YAP1: variants seen among roughly 807,000 people sequenced by gnomAD.
YAP1 encodes the protein Yes1 associated transcriptional regulator.
A neutral mutation model predicts 56.9 loss-of-function variants in YAP1; 5 were observed. The observed-to-expected ratio is 0.09, with a 90% CI of 0.05 to 0.18. The LOEUF is 0.18. Among genes scored for constraint, YAP1 ranks in the 10% least tolerant of loss-of-function variants. YAP1 has a pLI of 1.00. For synonymous variants in YAP1, 265 were observed against 248.1 expected (o/e 1.07, Z -0.64); for missense variants, 539 against 651.8 (o/e 0.83, Z 1.88).
intron 4 of YAP1, among the ~76,000 whole-genome samples, chr11:102,187,878 C>G (rs1468471895): frequency 6.6e-6 from 1 of 152,174 alleles, no homozygotes; most frequent in African/African-American, 2.4e-5. Flanking sequence ...TCATAAAATT[C>G]TCTTATTGCA....
intron 7 of YAP1, among the ~76,000 whole-genome samples, chr11:102,226,539 T>C (rs922352348): frequency 1.3e-5 from 2 of 152,374 alleles, no homozygotes; most frequent in African/African-American, 4.8e-5. Context: ...GCCTTGATTT[T>C]ATGCGTTTCT....
chr11:102,165,022 C>T (rs184758144), intron 3 of YAP1, among the ~76,000 whole-genome samples: 2 of 152,130 alleles, frequency 1.3e-5, no homozygotes, highest in East Asian at 3.9e-4. Flanking sequence ...CATGTCCAGC[C>T]GGTTTTAGTG....
chr11:102,208,710 T>A (rs1350507608), intron 5 of YAP1, among the ~76,000 whole-genome samples: 1 of 152,186 alleles, frequency 6.6e-6, no homozygotes, highest in Non-Finnish European at 1.5e-5. Flanking sequence ...GAGTAGTAGT[T>A]GTTCTAAGTA....
chr11:102,126,107 C>T (rs569582157), intron 2 of YAP1, among the ~76,000 whole-genome samples: 4 of 151,928 alleles, frequency 2.6e-5, no homozygotes, highest in Admixed American at 6.6e-5. Context: ...TCTGAATAAT[C>T]GATTTCCTCC....
intron 4 of YAP1, among the ~76,000 whole-genome samples, chr11:102,187,773 T>C (rs547606365): frequency 1.3e-5 from 2 of 152,352 alleles, no homozygotes; most frequent in Admixed American, 6.5e-5. Flanking sequence ...CTTGGTCTTT[T>C]GTTTTAAGAG....
intron 4 of YAP1, 42 bp from the exon 5 acceptor site, chr11:102,205,851 A>G (rs1253843932): frequency 5.5e-6 from 8 of 1,453,792 alleles, no homozygotes; most frequent in Non-Finnish European, 7.3e-6. Flanking sequence ...ATCTTCCTTC[A>G]CTAGTTTTTT....
intron 5 of YAP1, among the ~76,000 whole-genome samples, chr11:102,207,405 T>C (rs1949175577): frequency 6.6e-6 from 1 of 152,032 alleles, no homozygotes; most frequent in Admixed American, 6.6e-5. Context: ...AAAATCGTCA[T>C]ACTCGGCCAG....
At chr11:102,125,919 ATT>A (rs755247331) in intron 2 of YAP1, among the ~76,000 whole-genome samples, 5 of 151,978 alleles carry the variant, frequency 3.3e-5, no homozygotes, top group Non-Finnish European at 7.4e-5. Flanking sequence ...TGTCTTAGTA[ATT>A]TCCTCTTTTA....
intron 3 of YAP1, among the ~76,000 whole-genome samples, chr11:102,172,317 T>TTC (rs1946953626): frequency 7.1e-6 from 1 of 141,244 alleles, no homozygotes; most frequent in Admixed American, 7.0e-5. Context: ...TTTTTTTTTT[T>TTC]TTTTTTTTTT....
At chr11:102,141,172 C>T (rs1269150791) in intron 2 of YAP1, among the ~76,000 whole-genome samples, 1 of 152,118 alleles carries the variant, frequency 6.6e-6, no homozygotes, top group Admixed American at 6.6e-5. Context: ...CTTGGGAGTC[C>T]CTCATGGCCT....
chr11:102,232,232 A>T lies in YAP1; in HGVS notation c.*2292A>T, dbSNP rs1355302820. ...TAGCCACAGATTAAGATTATATCTT[A>T]TATATCAGCAGATTAGCTTTAGCTT... On this transcript the variant is annotated 3_prime_UTR_variant, in exon 9 of 9. Coordinates refer to ENST00000282441, the MANE Select transcript of YAP1 (RefSeq NM_001130145.3). 7.7e-6 allele frequency: 1 copy of T among 130,380 alleles called. No homozygotes were observed. The highest frequency in any genetic ancestry group is 1.6e-5 in the Non-Finnish European group (1 of 63,930). 8.1% of individuals were successfully genotyped at this position (130,380 alleles called of 1,614,324 possible). A position where few individuals can be genotyped will look rare whatever the true frequency, so the allele number is the denominator to read the frequency against.
At chr11:102,124,164 G>T (rs2135183810) in intron 2 of YAP1, among the ~76,000 whole-genome samples, 1 of 151,240 alleles carries the variant, frequency 6.6e-6, no homozygotes, top group East Asian at 2.0e-4. Flanking sequence ...TGTTGGCCAG[G>T]TTGGTCTCGA....
intron 2 of YAP1, among the ~76,000 whole-genome samples, chr11:102,146,962 CAAT>C (rs1261832511): frequency 2.0e-5 from 3 of 152,192 alleles, no homozygotes; most frequent in East Asian, 1.9e-4. Context: ...TCAATAATAA[CAAT>C]AATGATTAGC....
intron 4 of YAP1, among the ~76,000 whole-genome samples, chr11:102,187,102 A>G (rs1002942403): frequency 1.3e-5 from 2 of 152,178 alleles, no homozygotes; most frequent in Admixed American, 6.5e-5. Context: ...TGTGAATGCC[A>G]TGAAAACACA....
chr11:102,117,390 G>A (rs553295097), intron 2 of YAP1, among the ~76,000 whole-genome samples: 1 of 152,296 alleles, frequency 6.6e-6, no homozygotes, highest in African/African-American at 2.4e-5. Context: ...TGACTTTTAA[G>A]TTACAAAGTC....
In YAP1 at chr11:102,128,428, A is replaced by G. The variant is rs942975220; in HGVS notation, c.572+14034A>G. 2.6e-5 allele frequency among the ~76,000 whole-genome samples: 4 copies of G among 152,258 alleles called. No homozygotes were observed. The East Asian group carries it at 5.8e-4, about 22-fold the overall frequency. ...TCCTCATTTCTCTCTTGCCACTGCC[A>G]TGTAAGAAGTGCCTCTCACCTTCCA... On this transcript the variant is annotated intron_variant, in intron 2 of 8. Coordinates refer to ENST00000282441, the MANE Select transcript of YAP1 (RefSeq NM_001130145.3).
chr11:102,223,978 A>C (rs1008154318), intron 7 of YAP1, among the ~76,000 whole-genome samples: 2 of 152,254 alleles, frequency 1.3e-5, no homozygotes, highest in South Asian at 4.1e-4. Flanking sequence ...ACTTATTCAA[A>C]GTCATGACGT....
At chr11:102,155,299 G>C (rs1591256724) in intron 2 of YAP1, among the ~76,000 whole-genome samples, 2 of 152,262 alleles carry the variant, frequency 1.3e-5, no homozygotes, top group African/African-American at 4.8e-5. Context: ...GTTAAGACTA[G>C]GTAAGACTCT....
intron 4 of YAP1, among the ~76,000 whole-genome samples, chr11:102,198,404 A>T (rs117512829): frequency 6.6e-6 from 1 of 152,182 alleles, no homozygotes; most frequent in Admixed American, 6.5e-5. Flanking sequence ...TTTTATTGCT[A>T]TTCAGTGTTT....
Sources: allele counts gnomAD v4.1 joint callset (sites outside exome capture counted in the v4.1 genomes callset), GRCh38; gene constraint gnomAD v4.1.1; transcripts MANE v1.5; gene names NCBI Gene and HGNC (gene_info 2026-07-23, HGNC 2026-07-21).